The following TMIGD3 variants were observed in gnomAD, a reference collection of about 807,000 sequenced individuals.
TMIGD3 encodes transmembrane and immunoglobulin domain containing 3.
In TMIGD3, 21 loss-of-function variants were observed where a neutral mutation model predicts 28.1. The ratio of observed to expected loss-of-function variants is 0.75; its 90% CI spans 0.53 to 1.08. TMIGD3 has a LOEUF of 1.08. Among genes scored for constraint, TMIGD3 ranks in the 50% least tolerant of loss-of-function variants. TMIGD3 has a pLI of 0.00. For synonymous variants in TMIGD3, 151 were observed against 162.1 expected (o/e 0.93, Z 0.52); for missense variants, 416 against 435.6 (o/e 0.96, Z 0.40).
At chr1:111,557,486 GT>G (rs987373348) in intron 1 of TMIGD3, among the ~76,000 whole-genome samples, 2 of 151,268 alleles carry the variant, frequency 1.3e-5, no homozygotes, top group African/African-American at 4.9e-5. Context: ...GGAGGAGGAG[GT>G]TGCAGTGAGC....
intron 1 of TMIGD3, among the ~76,000 whole-genome samples, chr1:111,553,497 G>T (rs1217937554): frequency 6.6e-6 from 1 of 151,256 alleles, no homozygotes; most frequent in East Asian, 2.0e-4. Flanking sequence ...TAGCTTACAT[G>T]CAGAGTAAAA....
At chr1:111,531,547 C>G (rs1656460295) in intron 1 of TMIGD3, among the ~76,000 whole-genome samples, 1 of 152,076 alleles carries the variant, frequency 6.6e-6, no homozygotes, top group Admixed American at 6.5e-5. Flanking sequence ...TCTACTAATT[C>G]TATCAAGTGT....
intron 1 of TMIGD3, among the ~76,000 whole-genome samples, chr1:111,510,754 G>A (rs946113295): frequency 1.3e-5 from 2 of 152,204 alleles, no homozygotes; most frequent in Middle Eastern, 3.4e-3. Flanking sequence ...GAAGGAGTAC[G>A]CGTTTATTTT....
chr1:111,513,925 T>G (rs1367366604), intron 1 of TMIGD3, among the ~76,000 whole-genome samples: 1 of 152,068 alleles, frequency 6.6e-6, no homozygotes, highest in Admixed American at 6.5e-5. Context: ...CTAGTTGGGG[T>G]GCGGTTGCAT....
At chr1:111,557,477 G>A (rs1297952557) in intron 1 of TMIGD3, among the ~76,000 whole-genome samples, 1 of 151,232 alleles carries the variant, frequency 6.6e-6, no homozygotes, top group Non-Finnish European at 1.5e-5. Flanking sequence ...TGGAACCCAG[G>A]AGGAGGAGGT....
chr1:111,557,267 G>A (rs1657531833), intron 1 of TMIGD3, among the ~76,000 whole-genome samples: 1 of 152,154 alleles, frequency 6.6e-6, no homozygotes, highest in Non-Finnish European at 1.5e-5. Flanking sequence ...TCTTACAGAA[G>A]GCCAGGCGTG....
At chr1:111,527,017 T>TTTG (rs1656289090) in intron 1 of TMIGD3, among the ~76,000 whole-genome samples, 1 of 143,176 alleles carries the variant, frequency 7.0e-6, no homozygotes, top group Non-Finnish European at 1.5e-5. Context: ...TTTTTTTTTT[T>TTTG]TTTTTTTTTT....
intron 1 of TMIGD3, among the ~76,000 whole-genome samples, chr1:111,513,397 G>A (rs966414401): frequency 1.3e-5 from 2 of 152,146 alleles, no homozygotes; most frequent in Non-Finnish European, 2.9e-5. Context: ...AATTTAATTT[G>A]CATTACATTT....
At chr1:111,514,310 C>T (rs896635653) in intron 1 of TMIGD3, among the ~76,000 whole-genome samples, 17 of 152,054 alleles carry the variant, frequency 1.1e-4, no homozygotes, top group South Asian at 2.1e-4. Context: ...TTTGGAAGGC[C>T]GAGACAGGTG....
chr1:111,507,724 T>G (rs1290419920), upstream of TMIGD3, among the ~76,000 whole-genome samples: 1 of 152,224 alleles, frequency 6.6e-6, no homozygotes, highest in East Asian at 1.9e-4. Context: ...TCTGCAGAGT[T>G]GCACAAAATC....
intron 1 of TMIGD3, among the ~76,000 whole-genome samples, chr1:111,494,806 C>A (rs913252177): frequency 6.6e-6 from 1 of 152,132 alleles, no homozygotes; most frequent in Admixed American, 6.5e-5. Flanking sequence ...GACACATAGA[C>A]CAATGGAATA....
intron 1 of TMIGD3, among the ~76,000 whole-genome samples, chr1:111,552,305 T>C (rs1290206689): frequency 2.6e-5 from 4 of 152,194 alleles, no homozygotes; most frequent in Non-Finnish European, 1.5e-5. Flanking sequence ...CAAGTGGCTA[T>C]CTGCCACTGA....
intron 1 of TMIGD3, among the ~76,000 whole-genome samples, chr1:111,531,712 T>A (rs898634011): frequency 2.6e-5 from 4 of 152,054 alleles, no homozygotes; most frequent in African/African-American, 7.2e-5. Context: ...AATTTATTTT[T>A]AAAATTATTT....
rs1299196299 is a variant in TMIGD3, at chr1:111,483,726, G to A, written c.1005C>T (p.Val335=). 6.2e-7 allele frequency: 1 copy of A among 1,614,086 alleles called. No homozygotes were observed. The highest frequency in any genetic ancestry group is 8.5e-7 in the Non-Finnish European group (1 of 1,179,966). ...TAGGAGCCATTTCCTTTGGAGTCAG[G>A]ACACGCGAGAAGGGCTTCAAAGTGT... ...VGNTLKPFSR[V]LTPKEMAPTE... The change falls in exon 6 of 6, where the codon GTC becomes GTT. Residue 335 remains valine, a synonymous_variant. Transcript: ENST00000369716.
chr1:111,541,946 A>C (rs1656842534), intron 1 of TMIGD3, among the ~76,000 whole-genome samples: 1 of 152,226 alleles, frequency 6.6e-6, no homozygotes, highest in South Asian at 2.1e-4. Context: ...TGCCTTCAAA[A>C]GAAACAACTG....
intron 1 of TMIGD3, among the ~76,000 whole-genome samples, chr1:111,540,101 C>T (rs1301731674): frequency 6.6e-6 from 1 of 152,144 alleles, no homozygotes; most frequent in Non-Finnish European, 1.5e-5. Context: ...AACTTGATTA[C>T]AATTGCTAAT....
Position 111,500,069 on chromosome 1 carries a change from T to C in TMIGD3, c.350+2936A>G, listed in dbSNP as rs1655084355. 6.8e-6 allele frequency: 11 copies of C among 1,614,210 alleles called. No individual in the cohort carries two copies. The South Asian group carries it at 1.1e-4, about 16-fold the overall frequency. ...TTCTTTATTTTATAGGCATAGACGA[T>C]AGGGTTCATCATGGAGTTGGCATGG... is the stretch of plus-strand genomic sequence containing the variant. On this transcript the variant is annotated intron_variant, in intron 1 of 5. Transcript: ENST00000369716.
At chr1:111,547,924 A>C (rs764010317) in intron 1 of TMIGD3, among the ~76,000 whole-genome samples, 3 of 152,268 alleles carry the variant, frequency 2.0e-5, no homozygotes, top group Non-Finnish European at 2.9e-5. Context: ...AAAGTAAACA[A>C]GTAAATGCTT....
intron 1 of TMIGD3, among the ~76,000 whole-genome samples, chr1:111,523,703 A>G (rs1302203927): frequency 6.6e-6 from 1 of 151,980 alleles, no homozygotes; most frequent in Non-Finnish European, 1.5e-5. Flanking sequence ...TGTCTTTAAA[A>G]TTTTTGTTCC....
Sources: gnomAD v4.1 joint callset for allele counts (sites outside exome capture counted in the v4.1 genomes callset) on GRCh38, gnomAD v4.1.1 for gene constraint, MANE v1.5 for transcripts, NCBI Gene and HGNC (gene_info 2026-07-23, HGNC 2026-07-21) for gene names.